The following MARK2 variants were observed in gnomAD, a reference collection of about 807,000 sequenced individuals.
The protein encoded by MARK2 is serine/threonine-protein kinase MARK2.
Under a neutral mutation model 89.8 loss-of-function variants are expected in MARK2, and 16 were observed. That is an observed-to-expected ratio of 0.18 (90% CI 0.12 to 0.27). MARK2 has a LOEUF of 0.27. Ranked by LOEUF, MARK2 falls within the 10% of genes least tolerant of loss-of-function variation. MARK2 has a pLI of 1.00. For missense variants in MARK2, 621 were observed against 1,049.9 expected (o/e 0.59, Z 5.65); for synonymous variants, 382 against 399.5 (o/e 0.96, Z 0.52).
intron 1 of MARK2, among the ~76,000 whole-genome samples, chr11:63,873,980 G>A (rs929309249): frequency 6.6e-6 from 1 of 152,236 alleles, no homozygotes; most frequent in African/African-American, 2.4e-5. Context: ...GTGACAAATG[G>A]TTTTGCAGAG....
chr11:63,870,861 C>T (rs897123173), intron 1 of MARK2, among the ~76,000 whole-genome samples: 2 of 152,092 alleles, frequency 1.3e-5, no homozygotes, highest in Non-Finnish European at 2.9e-5. Context: ...AAAGCTGTGG[C>T]CAAGACCTGG....
At chr11:63,871,621 G>T (rs1938459818) in intron 1 of MARK2, among the ~76,000 whole-genome samples, 1 of 146,362 alleles carries the variant, frequency 6.8e-6, no homozygotes, top group Non-Finnish European at 1.5e-5. Flanking sequence ...TATTCACTGT[G>T]TGCAGGTGTG....
In MARK2 at chr11:63,903,934, C is replaced by T. The variant is rs1223521922; in HGVS notation, c.1515-52C>T. ...TGCCCTTGCTTCCTAATCCAGGCCT[C>T]CCGCCCTCACTCACCCCTAACACGG... On this transcript the variant is annotated intron_variant, in intron 14 of 18. Coordinates refer to ENST00000402010, the MANE Select transcript of MARK2 (RefSeq NM_001039469.3). This position sits in a 1 kb window ranked among gnomAD's most constrained non-coding sequence, Gnocchi z 5.1. 5 of 1,503,806 alleles carry T rather than the reference C, an allele frequency of 3.3e-6. No individual in the cohort carries two copies. Among genetic ancestry groups the T allele is most frequent in the African/African-American group, 2.8e-5 (2 of 71,212 alleles). 93.2% of individuals were successfully genotyped at this position (1,503,806 alleles called of 1,614,324 possible). A position where few individuals can be genotyped will look rare whatever the true frequency, so the allele number is the denominator to read the frequency against.
intron 1 of MARK2, among the ~76,000 whole-genome samples, chr11:63,881,347 G>T (rs762196586): frequency 2.0e-5 from 3 of 152,048 alleles, no homozygotes; most frequent in Non-Finnish European, 4.4e-5. Flanking sequence ...GTGTAGTCTA[G>T]CAGGAAGGAC....
At chr11:63,883,729 C>T (rs1054015526) in intron 1 of MARK2, among the ~76,000 whole-genome samples, 3 of 152,096 alleles carry the variant, frequency 2.0e-5, no homozygotes, top group Admixed American at 6.6e-5. Context: ...GGATTGCAGG[C>T]ACTTGTCACC....
chr11:63,846,572 C>T (rs562781644), intron 1 of MARK2, among the ~76,000 whole-genome samples: 2 of 151,624 alleles, frequency 1.3e-5, no homozygotes, highest in African/African-American at 2.4e-5. Flanking sequence ...GTCAGGCTGG[C>T]CTTGAACTCA....
chr11:63,863,060 C>G lies in MARK2; in HGVS notation c.54+23500C>G, dbSNP rs572920823. Among the ~76,000 whole-genome samples, 26 of 152,248 alleles carry G rather than the reference C, an allele frequency of 1.7e-4. No individual in the cohort carries two copies. In the East Asian group the frequency reaches 5.0e-3, roughly 29 times the overall value. On this transcript the variant is annotated intron_variant, in intron 1 of 18. Coordinates refer to ENST00000402010, the MANE Select transcript of MARK2 (RefSeq NM_001039469.3). The stretch of plus-strand genomic sequence containing the variant: ...AACACCGTAGCTGGTGGTGCCAGGC[C>G]TTGTGTGTGTTTAGGACTTGCCAGT...
At chr11:63,891,387 C>T (rs1165425463) in intron 1 of MARK2, among the ~76,000 whole-genome samples, 1 of 152,228 alleles carries the variant, frequency 6.6e-6, no homozygotes, top group Admixed American at 6.5e-5. Context: ...TACAATCTTG[C>T]TTGTGGTTGT....
intron 1 of MARK2, among the ~76,000 whole-genome samples, chr11:63,844,604 A>G (rs1157948258): frequency 6.6e-6 from 1 of 152,236 alleles, no homozygotes; most frequent in Non-Finnish European, 1.5e-5. Flanking sequence ...CACAAGGATA[A>G]CTTAATCTTT....
At chr11:63,883,374 G>C (rs1011686042) in intron 1 of MARK2, among the ~76,000 whole-genome samples, 11 of 152,070 alleles carry the variant, frequency 7.2e-5, no homozygotes, top group African/African-American at 2.7e-4. Flanking sequence ...TTGTTATAGA[G>C]GGAATACCAG....
At chr11:63,895,748 C>T in intron 3 of MARK2, 115 bp downstream of exon 3, 1 of 907,592 alleles carries the variant, frequency 1.1e-6, no homozygotes, top group East Asian at 2.4e-5. Context: ...CGGCTCACTG[C>T]AACCTCCGCC....
Position 63,900,264 on chromosome 11 carries a change from C to T in MARK2, c.768+154C>T, listed in dbSNP as rs1259474991. 6.6e-6 allele frequency among the ~76,000 whole-genome samples: 1 copy of T among 152,190 alleles called. No homozygotes were observed. Among genetic ancestry groups the T allele is most frequent in the Non-Finnish European group, 1.5e-5 (1 of 68,038 alleles). ...GGTAGCAGCAGTCAAAGGCCTTCTG[C>T]ACCTGGGAATGAATAACCTCAGTTC... is the stretch of plus-strand genomic sequence containing the variant. On this transcript the variant is annotated intron_variant, in intron 8 of 18. Transcript: ENST00000402010. This position sits in a 1 kb window ranked among gnomAD's most constrained non-coding sequence, Gnocchi z 4.7.
intron 1 of MARK2, among the ~76,000 whole-genome samples, chr11:63,854,186 C>CTGTGTG (rs55689743): frequency 0.023 from 3,235 of 141,608 alleles, 56 homozygotes; most frequent in South Asian, 0.035. Flanking sequence ...ACTATTAATT[C>CTGTGTG]TGTGTGTGTG....
chr11:63,841,021 T>C (rs2015987997), intron 1 of MARK2, among the ~76,000 whole-genome samples: 2 of 152,198 alleles, frequency 1.3e-5, no homozygotes, highest in African/African-American at 4.8e-5. Flanking sequence ...CATACCTTTC[T>C]TGGTGGAGAA....
At chr11:63,874,154 G>GTT (rs1565114294) in intron 1 of MARK2, among the ~76,000 whole-genome samples, 4 of 152,160 alleles carry the variant, frequency 2.6e-5, no homozygotes, top group Non-Finnish European at 4.4e-5. Context: ...TTGTCAGGTT[G>GTT]ACCCTCTGGT....
At chr11:63,879,923 A>G (rs1366522863) in intron 1 of MARK2, among the ~76,000 whole-genome samples, 1 of 152,174 alleles carries the variant, frequency 6.6e-6, no homozygotes, top group African/African-American at 2.4e-5. Flanking sequence ...AGAAAGATGC[A>G]GCAGGAAGAG....
At chr11:63,861,639 C>T (rs1937786550) in intron 1 of MARK2, among the ~76,000 whole-genome samples, 1 of 151,910 alleles carries the variant, frequency 6.6e-6, no homozygotes, top group Non-Finnish European at 1.5e-5. Flanking sequence ...GCCTCTGAGG[C>T]TGTGTATCTT....
chr11:63,860,556 A>T (rs1209462925), intron 1 of MARK2, among the ~76,000 whole-genome samples: 3 of 150,300 alleles, frequency 2.0e-5, no homozygotes, highest in South Asian at 4.2e-4. Flanking sequence ...TCAAAAAAAA[A>T]AAAATAAATA....
At chr11:63,850,567 C>A (rs1042297351) in intron 1 of MARK2, among the ~76,000 whole-genome samples, 2 of 151,808 alleles carry the variant, frequency 1.3e-5, no homozygotes, top group Non-Finnish European at 2.9e-5. Context: ...TTTTATAAGG[C>A]ATCAATATTA....
Sources: gnomAD v4.1 joint callset for allele counts (sites outside exome capture counted in the v4.1 genomes callset) on GRCh38, gnomAD v4.1.1 for gene constraint, Gnocchi (gnomAD v3.1) non-coding constraint, MANE v1.5 for transcripts, NCBI Gene and HGNC (gene_info 2026-07-23, HGNC 2026-07-21) for gene names.